MARCHF1: variants seen among roughly 807,000 people sequenced by gnomAD.
MARCHF1 encodes the protein E3 ubiquitin-protein ligase MARCHF1.
A neutral mutation model predicts 54.2 loss-of-function variants in MARCHF1; 40 were observed. The ratio of observed to expected loss-of-function variants is 0.74; its 90% confidence interval spans 0.57 to 0.96. The LOEUF (loss-of-function observed/expected upper bound fraction) is 0.96, where lower values mean the gene tolerates loss of function less well. MARCHF1 is among the 40% of genes least tolerant of loss of function. The pLI, the probability that MARCHF1 is intolerant of heterozygous loss-of-function variation, is 0.00. For missense variants in MARCHF1, 586 were observed against 656.5 expected (o/e 0.89, Z 1.17); for synonymous variants, 236 against 236.3 (o/e 1.00, Z 0.01).
chr4:163,987,008 T>C (rs1234880018), intron 3 of MARCHF1, among the ~76,000 whole-genome samples: 1 of 152,200 alleles, frequency 6.6e-6, no homozygotes, highest in Admixed American at 6.5e-5. Context: ...TATCCAGAAA[T>C]TTATACTGTG....
At position 163,767,937 on chromosome 4, in the gene MARCHF1, A is replaced by G. The variant is rs191711569; in HGVS notation, c.112-67074T>C. Among the ~76,000 whole-genome samples, 297 of 152,320 alleles carry G rather than the reference A, an allele frequency of 1.9e-3. 1 individual carries two copies. Among genetic ancestry groups the G allele is most frequent in the Non-Finnish European group, 2.7e-3 (185 of 68,024 alleles). ...ACATTGCTATCATCCAAATTTATCA[A>G]GTAAGAAATTTAGGTCTTTTTCCTG... On this transcript the variant is annotated intron_variant, in intron 4 of 9. Transcript: ENST00000514618.
intron 3 of MARCHF1, among the ~76,000 whole-genome samples, chr4:163,978,756 C>T (rs1255419788): frequency 6.6e-6 from 1 of 151,960 alleles, no homozygotes; most frequent in Non-Finnish European, 1.5e-5. Flanking sequence ...TTCTTAGAGA[C>T]AAGATCCCTC....
intron 8 of MARCHF1, chr4:163,555,905 C>T: frequency 2.2e-6 from 1 of 456,140 alleles, no homozygotes; most frequent in Non-Finnish European, 4.4e-6. Context: ...TGGTCACTCT[C>T]TGTGCCTAAG....
intron 4 of MARCHF1, among the ~76,000 whole-genome samples, chr4:163,710,671 G>A (rs1192498233): frequency 2.6e-5 from 4 of 151,890 alleles, no homozygotes; most frequent in African/African-American, 7.3e-5. Flanking sequence ...TGTTTCAAAC[G>A]GATTCTAATT....
chr4:163,718,939 T>C (rs1745351551), intron 4 of MARCHF1, among the ~76,000 whole-genome samples: 1 of 152,218 alleles, frequency 6.6e-6, no homozygotes, highest in Non-Finnish European at 1.5e-5. Flanking sequence ...AGAGCCAAGA[T>C]CACTTTCTAC....
intron 1 of MARCHF1, among the ~76,000 whole-genome samples, chr4:164,381,413 A>G (rs1731367167): frequency 6.6e-6 from 1 of 152,182 alleles, no homozygotes; most frequent in African/African-American, 2.4e-5. Context: ...ATTCTAGTGG[A>G]ATGTGAAGAA....
chr4:164,366,726 T>C (rs985083153), intron 1 of MARCHF1, among the ~76,000 whole-genome samples: 1 of 151,926 alleles, frequency 6.6e-6, no homozygotes, highest in African/African-American at 2.4e-5. Context: ...CATTTTAGTA[T>C]GTTTCAGCAT....
At chr4:164,108,339 T>G (rs1553982875) in intron 2 of MARCHF1, among the ~76,000 whole-genome samples, 2 of 152,196 alleles carry the variant, frequency 1.3e-5, no homozygotes, top group Non-Finnish European at 2.9e-5. Flanking sequence ...GATTTTTTAC[T>G]AAGTTTTACC....
intron 5 of MARCHF1, among the ~76,000 whole-genome samples, chr4:163,656,164 C>T (rs561258027): frequency 1.1e-4 from 17 of 148,038 alleles, no homozygotes; most frequent in Admixed American, 4.0e-4. Context: ...ACTAGCTAGA[C>T]AAATGAAGAA....
At chr4:163,691,663 C>A (rs1744460858) in intron 5 of MARCHF1, among the ~76,000 whole-genome samples, 3 of 152,144 alleles carry the variant, frequency 2.0e-5, no homozygotes, top group Admixed American at 1.3e-4. Context: ...TTCCACTTAA[C>A]CTTTTCTTAT....
chr4:163,988,029 C>T (rs1408098340), intron 3 of MARCHF1, among the ~76,000 whole-genome samples: 1 of 152,194 alleles, frequency 6.6e-6, no homozygotes. Flanking sequence ...GAGGCTCTAA[C>T]TCATGTTATG....
intron 4 of MARCHF1, among the ~76,000 whole-genome samples, chr4:163,769,661 C>T (rs1221706487): frequency 6.6e-6 from 1 of 152,184 alleles, no homozygotes. Context: ...TTTAACAGGA[C>T]TACTATAACC....
chr4:163,641,191 A>T (rs1742542096), intron 5 of MARCHF1, among the ~76,000 whole-genome samples: 5 of 152,138 alleles, frequency 3.3e-5, no homozygotes, highest in Admixed American at 3.3e-4. Flanking sequence ...CTGCTATCAG[A>T]AGCTAAAGAA....
At chr4:163,618,737 A>G (rs1201079701) in intron 5 of MARCHF1, among the ~76,000 whole-genome samples, 1 of 152,190 alleles carries the variant, frequency 6.6e-6, no homozygotes, top group African/African-American at 2.4e-5. Flanking sequence ...AAGGTTTATT[A>G]CATGATAGAT....
intron 4 of MARCHF1, among the ~76,000 whole-genome samples, chr4:163,734,603 G>T (rs1275660329): frequency 6.6e-6 from 1 of 151,188 alleles, no homozygotes; most frequent in Non-Finnish European, 1.5e-5. Context: ...AAGGTAGGAT[G>T]GTCAAATTCT....
chr4:163,751,090 C>T (rs756266746), intron 4 of MARCHF1, among the ~76,000 whole-genome samples: 2 of 152,008 alleles, frequency 1.3e-5, no homozygotes, highest in Non-Finnish European at 2.9e-5. Flanking sequence ...AAAACACTCA[C>T]TTCAAGATAA....
chr4:164,130,243 G>T (rs1377547070), intron 1 of MARCHF1, among the ~76,000 whole-genome samples: 2 of 152,074 alleles, frequency 1.3e-5, no homozygotes, highest in Non-Finnish European at 2.9e-5. Flanking sequence ...CCTCATAGTG[G>T]TTTATTATAA....
chr4:163,674,392 G>A (rs897920039), intron 5 of MARCHF1, among the ~76,000 whole-genome samples: 1 of 152,172 alleles, frequency 6.6e-6, no homozygotes, highest in Non-Finnish European at 1.5e-5. Context: ...AAGTGGAGCT[G>A]ACCAAACGGC....
chr4:163,957,643 T>C (rs1303926205), intron 3 of MARCHF1, among the ~76,000 whole-genome samples: 1 of 152,034 alleles, frequency 6.6e-6, no homozygotes, highest in African/African-American at 2.4e-5. Flanking sequence ...CTTAACTCTT[T>C]TCTATTGTTT....
Sources: allele counts gnomAD v4.1 joint callset (sites outside exome capture counted in the v4.1 genomes callset), GRCh38; gene constraint gnomAD v4.1.1; transcripts MANE v1.5; gene names NCBI Gene and HGNC (gene_info 2026-07-23, HGNC 2026-07-21).